The following SOD2 variants were observed in gnomAD, a reference collection of about 807,000 sequenced individuals.
SOD2 encodes superoxide dismutase 2.
A neutral mutation model predicts 27.0 loss-of-function variants in SOD2; 11 were observed. The ratio of observed to expected loss-of-function variants is 0.41; its 90% confidence interval spans 0.26 to 0.67. The LOEUF is 0.67. Ranked by LOEUF, SOD2 falls within the 30% of genes least tolerant of loss-of-function variation. The probability of loss-of-function intolerance (pLI) is 0.34; values close to 1 mark genes in which losing one functional copy is unlikely to be tolerated. For missense variants in SOD2, 250 were observed against 274.5 expected (o/e 0.91, Z 0.63); for synonymous variants, 105 against 103.0 (o/e 1.02, Z -0.12).
chr6:159,674,510 A>C lies in SOD2; in HGVS notation c.*7983T>G, dbSNP rs1195368405. 1 of 152,228 alleles carries C rather than the reference A, an allele frequency of 6.6e-6. No homozygotes were observed. Among genetic ancestry groups the C allele is most frequent in the Admixed American group, 6.5e-5 (1 of 15,278 alleles). 9.4% of individuals were successfully genotyped at this position (152,228 alleles called of 1,614,324 possible). On this transcript the variant is annotated 3_prime_UTR_variant, in exon 5 of 5. Coordinates refer to ENST00000538183, the MANE Select transcript of SOD2 (RefSeq NM_000636.4). The stretch of plus-strand genomic sequence containing the variant: ...AAGACAAAAACCACATGATTATCTC[A>C]ACAGATGCAGAAAAGGCCTTGGACA...
Position 159,692,755 on chromosome 6 carries a change from C to T in SOD2, c.132G>A (p.Ala44=), listed in dbSNP as rs1804451. 9 of 1,614,142 alleles carry T rather than the reference C, an allele frequency of 5.6e-6. No individual in the cohort carries two copies. Among genetic ancestry groups the T allele is most frequent in the Non-Finnish European group, 7.6e-6 (9 of 1,180,024 alleles). The change falls in exon 2 of 5, where the codon GCG becomes GCA. Residue 44 remains alanine (A), a synonymous_variant. Transcript: ENST00000538183. ...DYGALEPHIN[A]QIMQLHHSKH... Reference sequence around the variant, plus strand: ...TGCTGTGGTGCAGCTGCATGATCTGCGCGTTGATGTGAGGTTCCAGGGCGC... The same window carrying T: ...TGCTGTGGTGCAGCTGCATGATCTGTGCGTTGATGTGAGGTTCCAGGGCGC...
chr6:159,710,550 T>C (rs1193328579), intron 1 of SOD2, among the ~76,000 whole-genome samples: 1 of 152,116 alleles, frequency 6.6e-6, no homozygotes, highest in Non-Finnish European at 1.5e-5. Context: ...TAGACATCCC[T>C]CCCATTCTAT....
intron 1 of SOD2, among the ~76,000 whole-genome samples, chr6:159,722,966 A>C (rs1778069727): frequency 6.6e-6 from 1 of 152,234 alleles, no homozygotes; most frequent in South Asian, 2.1e-4. Context: ...ATCCAGAGAA[A>C]GCCAAATATG....
In SOD2 at chr6:159,685,026, C is replaced by A. The variant is rs779731636; in HGVS notation, c.351G>T (p.Leu117Phe). The change falls in exon 4 of 5, where the codon TTG becomes TTT. Residue 117 changes from leucine to phenylalanine, a missense_variant. Coordinates refer to ENST00000538183, the MANE Select transcript of SOD2 (RefSeq NM_000636.4). Reference protein sequence around the residue: ...PNGGGEPKGELLEAIKRDFGS... With the variant: ...PNGGGEPKGEFLEAIKRDFGS... ...CAAAGTCACGTTTGATGGCTTCCAG[C>A]AACTCCCCTATTAAAAAAAAAATCC... 6.3e-7 allele frequency: 1 copy of A among 1,592,902 alleles called. No individual in the cohort carries two copies. Among genetic ancestry groups the A allele is most frequent in the East Asian group, 2.2e-5 (1 of 44,542 alleles).
upstream of SOD2, chr6:159,748,814 C>T (rs545400549): frequency 1.9e-5 from 23 of 1,230,898 alleles, no homozygotes; most frequent in South Asian, 8.4e-5. The surrounding 1 kb of genome is among the most constrained non-coding windows in gnomAD (Gnocchi z 5.6). Context: ...AATGTAAAAA[C>T]GGAATATGCA....
At chr6:159,727,350 G>T (rs1057126473) in exon 1 of SOD2, 1 of 1,258,388 alleles carries the variant, frequency 7.9e-7, no homozygotes, top group Non-Finnish European at 1.0e-6. Flanking sequence ...GGGCCAGAAG[G>T]CGAACATGGC....
upstream of SOD2, chr6:159,727,679 G>T: frequency 1.0e-6 from 1 of 984,744 alleles, no homozygotes; most frequent in Non-Finnish European, 1.2e-6. Context: ...GACCGGTGGC[G>T]CCGGCGCGGC....
Position 159,682,023 on chromosome 6 carries a change from T to G in SOD2, c.*470A>C, listed in dbSNP as rs932292506. On this transcript the variant is annotated 3_prime_UTR_variant, in exon 5 of 5. Coordinates refer to ENST00000538183, the MANE Select transcript of SOD2 (RefSeq NM_000636.4). Reference sequence around the variant, plus strand: ...CTAACAAAAACCACTGGGTGACATCTACCAGAAGTATCACTGCAGAGGATT... The same window carrying G: ...CTAACAAAAACCACTGGGTGACATCGACCAGAAGTATCACTGCAGAGGATT... The G allele has an allele frequency of 6.5e-6, 1 of 152,996 alleles. No homozygotes were observed. Among genetic ancestry groups the G allele is most frequent in the Non-Finnish European group, 1.5e-5 (1 of 68,594 alleles). 9.5% of individuals were successfully genotyped at this position (152,996 alleles called of 1,614,324 possible). A position where few individuals can be genotyped will look rare whatever the true frequency, so the allele number is the denominator to read the frequency against.
At chr6:159,713,506 A>G (rs528482083) in intron 1 of SOD2, 1 of 675,706 alleles carries the variant, frequency 1.5e-6, no homozygotes, top group South Asian at 1.7e-5. Flanking sequence ...CGTCTCAGCT[A>G]TCTCCTGCGA....
In SOD2 at chr6:159,680,678, G is replaced by A. The variant is rs956437202; in HGVS notation, c.*1815C>T. The A allele has an allele frequency of 3.4e-4, 52 of 152,128 alleles. No individual in the cohort carries two copies. Among genetic ancestry groups the A allele is most frequent in the African/African-American group, 1.3e-3 (52 of 41,426 alleles). 9.4% of individuals were successfully genotyped at this position (152,128 alleles called of 1,614,324 possible). A position where few individuals can be genotyped will look rare whatever the true frequency, so the allele number is the denominator to read the frequency against. On this transcript the variant is annotated 3_prime_UTR_variant, in exon 5 of 5. Transcript: ENST00000538183. The stretch of plus-strand genomic sequence containing the variant: ...AGGCCAGGTGCAGTGGCTCACACCT[G>A]TAATCCCAGCACTTTGGGAGGCTGA...
intron 1 of SOD2, chr6:159,736,113 A>C (rs185595587): frequency 5.7e-4 from 485 of 857,054 alleles, no homozygotes; most frequent in Middle Eastern, 7.0e-4. Flanking sequence ...ATCTAAAACT[A>C]TTTTAAAATT....
In SOD2 at chr6:159,670,104, C is replaced by T. The variant is rs1779623100; in HGVS notation, c.*12389G>A. The T allele has an allele frequency of 6.6e-6, 1 of 152,178 alleles. No individual in the cohort carries two copies. The highest frequency in any genetic ancestry group is 6.5e-5 in the Admixed American group (1 of 15,270). 9.4% of individuals were successfully genotyped at this position (152,178 alleles called of 1,614,324 possible). A position where few individuals can be genotyped will look rare whatever the true frequency, so the allele number is the denominator to read the frequency against. On this transcript the variant is annotated 3_prime_UTR_variant, in exon 5 of 5. Transcript: ENST00000538183. ...CTCACTGTAGACTCCAACTCATGAC[C>T]TCAAGGGATCCTCCCAACTCAGCCT...
chr6:159,744,810 T>C (rs746389209), intron 1 of SOD2, among the ~76,000 whole-genome samples: 16 of 152,088 alleles, frequency 1.1e-4, no homozygotes, highest in Non-Finnish European at 2.2e-4. Flanking sequence ...GCTTCCCGAG[T>C]AACTGATTTC....
At chr6:159,736,584 T>C in intron 1 of SOD2, 1 of 266,688 alleles carries the variant, frequency 3.7e-6, no homozygotes. Flanking sequence ...GGTCTACTCT[T>C]AATGTTCATT....
In SOD2 at chr6:159,693,128, G is replaced by C; in HGVS notation, c.23+17C>G. The stretch of plus-strand genomic sequence containing the variant: ...CCTTCGCCCTTGGGGCCGTGACCGG[G>C]TCCCCTTTCTTCTCACCCGCACACT... On this transcript the variant is annotated intron_variant, in intron 1 of 4. Coordinates refer to ENST00000538183, the MANE Select transcript of SOD2 (RefSeq NM_000636.4). The C allele has an allele frequency of 6.5e-7, 1 of 1,529,318 alleles. No homozygotes were observed. The allele number at this position is 1,529,318 out of a possible 1,614,324, so 94.7% of individuals were successfully genotyped here.
At chr6:159,704,604 G>C (rs139958582) in intron 1 of SOD2, among the ~76,000 whole-genome samples, 2,540 of 152,300 alleles carry the variant, frequency 0.017, 87 homozygotes, top group African/African-American at 0.058. Flanking sequence ...GCCGAGGCTT[G>C]AGCAGGTAAA....
chr6:159,699,608 C>T (rs538397839), intron 1 of SOD2, among the ~76,000 whole-genome samples: 19 of 152,220 alleles, frequency 1.2e-4, no homozygotes, highest in African/African-American at 4.6e-4. Flanking sequence ...AGGGTGGGAT[C>T]TGTCATTATT....
intron 2 of SOD2, among the ~76,000 whole-genome samples, chr6:159,689,077 T>A (rs532663831): frequency 2.3e-4 from 35 of 152,112 alleles, no homozygotes; most frequent in Non-Finnish European, 4.6e-4. Context: ...ACCCTAGGTG[T>A]TTACACTCAG....
chr6:159,730,903 G>A (rs1256906789), upstream of SOD2: 1 of 151,894 alleles, frequency 6.6e-6, no homozygotes, highest in Non-Finnish European at 1.5e-5. Flanking sequence ...TTTTTAAAAA[G>A]AACATAAGCC....
Sources: gnomAD v4.1 joint callset for allele counts (sites outside exome capture counted in the v4.1 genomes callset) on GRCh38, gnomAD v4.1.1 for gene constraint, Gnocchi (gnomAD v3.1) non-coding constraint, MANE v1.5 for transcripts, NCBI Gene and HGNC (gene_info 2026-07-23, HGNC 2026-07-21) for gene names.